Variants in VOPP1 observed in about 807,000 individuals in gnomAD.
VOPP1 encodes VOPP1 WW domain binding protein, also known as WW domain binding protein VOPP1.
A neutral mutation model predicts 23.5 loss-of-function variants in VOPP1; 8 were observed. The observed-to-expected ratio is 0.34, with a 90% confidence interval of 0.20 to 0.61. The LOEUF is 0.61. Among genes scored for constraint, VOPP1 ranks in the 20% least tolerant of loss-of-function variants. The pLI is 0.78. For missense variants in VOPP1, 174 were observed against 238.1 expected, an observed-to-expected ratio of 0.73 and a Z score of 1.77; for synonymous variants, 83 against 97.3, an observed-to-expected ratio of 0.85 and a Z score of 0.86.
intron 1 of VOPP1, among the ~76,000 whole-genome samples, chr7:55,553,588 T>C (rs1034134152): frequency 3.3e-5 from 5 of 152,004 alleles, no homozygotes; most frequent in Admixed American, 6.6e-5. Context: ...TAAATACTTT[T>C]CTCAACCCTT....
intron 1 of VOPP1, among the ~76,000 whole-genome samples, chr7:55,555,578 T>C (rs1484948722): frequency 6.6e-6 from 1 of 152,204 alleles, no homozygotes; most frequent in Non-Finnish European, 1.5e-5. Context: ...TTAGTGGTCA[T>C]GCCATTTGGG....
At chr7:55,520,976 G>GGGCTTTCCCCATCCCACACCC in intron 2 of VOPP1, 96 bp downstream of exon 2, 1 of 1,343,178 alleles carries the variant, frequency 7.4e-7, no homozygotes. Context: ...GGGCCACGCC[G>GGGCTTTCCCCATCCCACACCC]GGCTTTCCCC....
chr7:55,524,781 G>A (rs559519402), intron 1 of VOPP1, among the ~76,000 whole-genome samples: 17 of 152,200 alleles, frequency 1.1e-4, no homozygotes, highest in African/African-American at 3.4e-4. Flanking sequence ...AGAGGCACAC[G>A]CCTGCCTGAG....
chr7:55,567,535 C>A (rs1225308826), intron 1 of VOPP1, among the ~76,000 whole-genome samples: 1 of 152,180 alleles, frequency 6.6e-6, no homozygotes. Flanking sequence ...CCTATCCTTG[C>A]CATGTATTTC....
At chr7:55,512,745 C>T (rs952502994) in intron 2 of VOPP1, among the ~76,000 whole-genome samples, 4 of 152,230 alleles carry the variant, frequency 2.6e-5, no homozygotes, top group African/African-American at 7.2e-5. Context: ...TCCTGGAAGG[C>T]CCCAGTGCTG....
At chr7:55,559,123 G>A (rs1245428334) in intron 1 of VOPP1, among the ~76,000 whole-genome samples, 1 of 152,120 alleles carries the variant, frequency 6.6e-6, no homozygotes, top group Non-Finnish European at 1.5e-5. Flanking sequence ...AGCCTCTGAT[G>A]GCTTCAATGG....
rs535404068 is a variant in VOPP1 at position 55,488,925 on chromosome 7, C to G, written c.328+3357G>C. On this transcript the variant is annotated intron_variant, in intron 4 of 4. Transcript: ENST00000285279. ...CACATGGGACATTGGGATTCCTCGG[C>G]TCCTCTCTCTCCCTGGACTGCCAAA... Among the ~76,000 whole-genome samples, 4 of 152,350 alleles carry G rather than the reference C, an allele frequency of 2.6e-5. No homozygotes were observed. In the East Asian group the frequency reaches 7.7e-4, roughly 29 times the overall value.
At chr7:55,548,629 C>T (rs1797466691) in intron 1 of VOPP1, among the ~76,000 whole-genome samples, 1 of 152,220 alleles carries the variant, frequency 6.6e-6, no homozygotes, top group South Asian at 2.1e-4. Flanking sequence ...TGTGGGTGAA[C>T]ACGCCTGCTA....
At chr7:55,510,458 G>C (rs1794999175) in intron 2 of VOPP1, among the ~76,000 whole-genome samples, 1 of 151,872 alleles carries the variant, frequency 6.6e-6, no homozygotes. Flanking sequence ...TCCTAAATGG[G>C]TCATGTTAAG....
chr7:55,451,579 CA>C (rs1290437291), intron 4 of VOPP1, among the ~76,000 whole-genome samples: 1 of 152,110 alleles, frequency 6.6e-6, no homozygotes, highest in African/African-American at 2.4e-5. Context: ...ATCACAAGGT[CA>C]GGAGTTTGAG....
intron 3 of VOPP1, 89 bp from the exon 4 acceptor site, chr7:55,492,507 G>A: frequency 5.6e-6 from 8 of 1,423,138 alleles, no homozygotes; most frequent in Non-Finnish European, 6.5e-6. Flanking sequence ...TGCACTCCTC[G>A]GGGGTCCGGG....
rs1459987245 is a variant in VOPP1, at chr7:55,442,833, C to T, written n.418-6659G>A. ...CACGGTTTCTTTGGAAAATAAAAAGCAGGCCGGGTGCGGTGGCTCATGCCT... is the reference window on the plus strand; with the variant it reads ...CACGGTTTCTTTGGAAAATAAAAAGTAGGCCGGGTGCGGTGGCTCATGCCT... On this transcript the variant is annotated intron_variant and non_coding_transcript_variant, in intron 4 of 4. Coordinates refer to the VOPP1 transcript ENST00000462326. 3.3e-5 allele frequency among the ~76,000 whole-genome samples: 5 copies of T among 152,250 alleles called. No homozygotes were observed. The South Asian group carries it at 8.3e-4, about 25-fold the overall frequency.
intron 4 of VOPP1, among the ~76,000 whole-genome samples, chr7:55,446,731 A>G (rs1791110575): frequency 6.6e-6 from 1 of 152,208 alleles, no homozygotes; most frequent in African/African-American, 2.4e-5. Context: ...TACTACTAAC[A>G]ATCATAAAAT....
In VOPP1 at chr7:55,572,255, G is replaced by A. The variant is rs766990389; in HGVS notation, c.54+16C>T. 11 of 1,519,190 alleles carry A rather than the reference G, an allele frequency of 7.2e-6. No individual in the cohort carries two copies. The highest frequency in any genetic ancestry group is 2.9e-5 in the African/African-American group (2 of 69,450). 94.1% of individuals were successfully genotyped at this position (1,519,190 alleles called of 1,614,324 possible). ...GGGCGCCGCGCCTCCGGCAGCACCCGGTCCCCGGCCCCTACCTCCAAGAGC... is the reference window on the plus strand; with the variant it reads ...GGGCGCCGCGCCTCCGGCAGCACCCAGTCCCCGGCCCCTACCTCCAAGAGC... On this transcript the variant is annotated intron_variant, in intron 1 of 4. Coordinates refer to ENST00000285279, the MANE Select transcript of VOPP1 (RefSeq NM_030796.5).
At chr7:55,507,448 T>C (rs964998141) in intron 2 of VOPP1, among the ~76,000 whole-genome samples, 2 of 152,148 alleles carry the variant, frequency 1.3e-5, no homozygotes. Context: ...TGATATATAC[T>C]TGATATACAA....
In VOPP1 at chr7:55,492,548, G is replaced by A. The variant is rs1793659671; in HGVS notation, c.192-130C>T. The A allele has an allele frequency of 9.6e-6, 11 of 1,151,170 alleles. No individual in the cohort carries two copies. The Admixed American group carries it at 2.5e-4, about 26-fold the overall frequency. 71.3% of individuals were successfully genotyped at this position (1,151,170 alleles called of 1,614,324 possible). ...TGACTCCCAAATGCACGAGTCAGAA[G>A]GCAAGGGCAGAGCCATGAGGCTCGC... is the stretch of plus-strand genomic sequence containing the variant. On this transcript the variant is annotated intron_variant, in intron 3 of 4. Transcript: ENST00000285279.
chr7:55,486,593 C>G (rs1183771036), intron 4 of VOPP1, among the ~76,000 whole-genome samples: 1 of 152,196 alleles, frequency 6.6e-6, no homozygotes, highest in Non-Finnish European at 1.5e-5. Context: ...GAGGCCATCT[C>G]AATTCCTGGG....
intron 1 of VOPP1, among the ~76,000 whole-genome samples, chr7:55,549,763 G>A (rs2129053341): frequency 6.6e-6 from 1 of 152,292 alleles, no homozygotes; most frequent in African/African-American, 2.4e-5. Flanking sequence ...CATCCACTTA[G>A]ACAAAGAACA....
intron 4 of VOPP1, among the ~76,000 whole-genome samples, chr7:55,447,607 A>G (rs1450055889): frequency 6.6e-6 from 1 of 152,180 alleles, no homozygotes; most frequent in Non-Finnish European, 1.5e-5. Context: ...TCCATTCAAT[A>G]TATGTTTAAT....
Sources: allele counts gnomAD v4.1 joint callset (sites outside exome capture counted in the v4.1 genomes callset), GRCh38; gene constraint gnomAD v4.1.1; transcripts MANE v1.5; gene names NCBI Gene and HGNC (gene_info 2026-07-23, HGNC 2026-07-21).